Variants in PUM1 observed in about 807,000 individuals in gnomAD.
PUM1 encodes the protein pumilio RNA binding family member 1.
Under a neutral mutation model 131.8 loss-of-function variants are expected in PUM1, and 13 were observed. The observed-to-expected ratio is 0.10, with a 90% CI of 0.06 to 0.16. The LOEUF (loss-of-function observed/expected upper bound fraction) is 0.16. Among genes scored for constraint, PUM1 ranks in the 10% least tolerant of loss-of-function variants. The pLI, the probability that PUM1 is intolerant of heterozygous loss-of-function variation, is 1.00. For missense variants in PUM1, 961 were observed against 1,512.4 expected (o/e 0.64, Z 6.05); for synonymous variants, 509 against 556.5 (o/e 0.91, Z 1.20).
chr1:31,060,521 TAAACA>T (rs1384633520), intron 1 of PUM1, among the ~76,000 whole-genome samples: 1 of 152,046 alleles, frequency 6.6e-6, no homozygotes, highest in Non-Finnish European at 1.5e-5. Flanking sequence ...TGCTAATAAC[TAAACA>T]AAAGCCTAAA....
chr1:30,950,646 G>A (rs1202591442), intron 16 of PUM1, among the ~76,000 whole-genome samples: 1 of 152,236 alleles, frequency 6.6e-6, no homozygotes, highest in Non-Finnish European at 1.5e-5. Context: ...GATCACCTGA[G>A]GTCAGGAGTT....
rs201918935 is a variant in PUM1 at position 30,974,087 on chromosome 1, C to CA, written c.1506+563dup. Reference sequence around the variant, plus strand: ...TGGGCGACAGAGCTAGACTCCATCTCAAAAAAAAAAAAAAGGTGTTATTCT... The same window carrying CA: ...TGGGCGACAGAGCTAGACTCCATCTCAAAAAAAAAAAAAAAGGTGTTATTCT... On this transcript the variant is annotated intron_variant, in intron 10 of 21. Coordinates refer to ENST00000426105, the MANE Select transcript of PUM1 (RefSeq NM_001020658.2). Among the ~76,000 whole-genome samples the CA allele has an allele frequency of 8.8e-3, 938 of 106,772 alleles. 2 individuals carry two copies. The highest frequency in any genetic ancestry group is 0.03 in the East Asian group (123 of 4,098). 70.0% of individuals were successfully genotyped at this position (106,772 alleles called of 152,430 possible).
intron 2 of PUM1, chr1:31,050,893 T>A: frequency 3.9e-6 from 1 of 255,086 alleles, no homozygotes; most frequent in South Asian, 4.5e-5. Flanking sequence ...GCAGCTCTAC[T>A]GGAGCCACTC....
chr1:31,029,722 C>G (rs1643349551), intron 2 of PUM1, among the ~76,000 whole-genome samples: 1 of 152,082 alleles, frequency 6.6e-6, no homozygotes, highest in African/African-American at 2.4e-5. Context: ...ACGTAGGCTC[C>G]CAGCCTGGGG....
intron 2 of PUM1, among the ~76,000 whole-genome samples, chr1:31,038,984 A>ATATATATATATATTTTTTTT: frequency 4.0e-5 from 2 of 49,416 alleles, no homozygotes; most frequent in African/African-American, 4.1e-4. Context: ...ATATATATAT[A>ATATATATATATATTTTTTTT]TTTTTTTTTT....
At chr1:30,936,909 C>T in intron 20 of PUM1, 74 bp from the exon 21 acceptor site, 2 of 1,304,180 alleles carry the variant, frequency 1.5e-6, no homozygotes, top group East Asian at 5.0e-5. Flanking sequence ...TGCCTAGCTT[C>T]TGCCCTGACC....
intron 8 of PUM1, 52 bp from the exon 9 acceptor site, chr1:30,980,215 C>T (rs1176228427): frequency 1.5e-6 from 2 of 1,372,184 alleles, no homozygotes; most frequent in East Asian, 2.3e-5. Context: ...AACTGCAGCC[C>T]TATCAAATAC....
intron 2 of PUM1, among the ~76,000 whole-genome samples, chr1:31,030,153 G>A (rs1459121910): frequency 6.6e-6 from 1 of 151,878 alleles, no homozygotes; most frequent in African/African-American, 2.4e-5. Context: ...AGGTTGCGGT[G>A]AGCCAAGATC....
chr1:31,012,280 G>A (rs1337940403), intron 3 of PUM1, among the ~76,000 whole-genome samples: 1 of 151,132 alleles, frequency 6.6e-6, no homozygotes, highest in Admixed American at 6.6e-5. Context: ...TCTGGTTAGT[G>A]TGGGGTCAAT....
intron 7 of PUM1, among the ~76,000 whole-genome samples, chr1:30,984,443 C>T (rs1009374323): frequency 2.0e-5 from 3 of 152,234 alleles, no homozygotes; most frequent in Non-Finnish European, 4.4e-5. Flanking sequence ...ACAAAGCAAG[C>T]GAATATCCCA....
chr1:31,025,421 G>A (rs1418681560), intron 3 of PUM1, among the ~76,000 whole-genome samples: 1 of 151,974 alleles, frequency 6.6e-6, no homozygotes, highest in African/African-American at 2.4e-5. Context: ...AGATGCACAC[G>A]CGCATAGGTG....
At chr1:31,061,488 C>T (rs1291708683) in intron 1 of PUM1, among the ~76,000 whole-genome samples, 11 of 151,634 alleles carry the variant, frequency 7.3e-5, no homozygotes, top group East Asian at 1.9e-4. Context: ...TGGTGGCACG[C>T]GCCTGTAATC....
chr1:31,045,709 A>C (rs1196666748), intron 2 of PUM1, among the ~76,000 whole-genome samples: 2 of 152,240 alleles, frequency 1.3e-5, no homozygotes, highest in Non-Finnish European at 2.9e-5. Flanking sequence ...CTTGGACCAT[A>C]AAAGAGCACT....
At chr1:30,974,050 G>A (rs767168693) in intron 10 of PUM1, among the ~76,000 whole-genome samples, 74 of 151,188 alleles carry the variant, frequency 4.9e-4, no homozygotes, top group African/African-American at 1.7e-3. Context: ...ATTGCACCAC[G>A]GCATTCCAGC....
chr1:31,017,374 T>A (rs558901290), intron 3 of PUM1, among the ~76,000 whole-genome samples: 1 of 152,132 alleles, frequency 6.6e-6, no homozygotes, highest in South Asian at 2.1e-4. Flanking sequence ...GAACCTGGGA[T>A]AGGATGGTCA....
chr1:30,947,758 G>A (rs188079747), intron 17 of PUM1, among the ~76,000 whole-genome samples: 6 of 152,014 alleles, frequency 3.9e-5, no homozygotes, highest in African/African-American at 1.4e-4. Context: ...AAAATGTTGA[G>A]TACCTCAAAG....
rs1292160861 is a variant in PUM1 at position 30,995,079 on chromosome 1, T to C, written c.862A>G (p.Ile288Val). ...CTAAAATCTTTGACGTCTGCATCAA[T>C]CCCATTCTGCACTGGTAAACCATTG... Reference protein sequence around the residue: ...KTNGLPVQNGIDADVKDFSRT... With the variant: ...KTNGLPVQNGVDADVKDFSRT... Residue 288 changes from isoleucine (I) to valine (V), a missense_variant, in exon 6 of 22, where the codon ATT (isoleucine) becomes GTT (valine). Transcript: ENST00000426105. 6.2e-7 allele frequency: 1 copy of C among 1,614,026 alleles called. No individual in the cohort carries two copies. Among genetic ancestry groups the C allele is most frequent in the Non-Finnish European group, 8.5e-7 (1 of 1,179,998 alleles).
At chr1:30,987,662 T>C (rs576983471) in intron 7 of PUM1, among the ~76,000 whole-genome samples, 9 of 152,312 alleles carry the variant, frequency 5.9e-5, no homozygotes, top group African/African-American at 1.9e-4. Flanking sequence ...TGAAGTGAAT[T>C]TGAGACAAAG....
chr1:31,016,411 A>G (rs1274355631), intron 3 of PUM1, among the ~76,000 whole-genome samples: 1 of 152,150 alleles, frequency 6.6e-6, no homozygotes, highest in South Asian at 2.1e-4. Flanking sequence ...AAAGCAAAGA[A>G]TTTTTAAGTT....
Sources: allele counts gnomAD v4.1 joint callset (sites outside exome capture counted in the v4.1 genomes callset), GRCh38; gene constraint gnomAD v4.1.1; transcripts MANE v1.5; gene names NCBI Gene and HGNC (gene_info 2026-07-23, HGNC 2026-07-21).